WDR36: variants seen among roughly 807,000 people sequenced by gnomAD.
WDR36 encodes WD repeat domain 36.
WDR36 carries 63 observed loss-of-function variants against 112.7 expected under a neutral mutation model. That is an observed-to-expected ratio of 0.56 (90% CI 0.46 to 0.69). The LOEUF (loss-of-function observed/expected upper bound fraction) is 0.69, where lower values mean the gene tolerates loss of function less well. WDR36 is among the 30% of genes least tolerant of loss of function. The pLI is 0.00. For synonymous variants in WDR36, 410 were observed against 362.2 expected (o/e 1.13, Z -1.50); for missense variants, 1,226 against 1,070.3 (o/e 1.15, Z -2.03).
intron 3 of WDR36, among the ~76,000 whole-genome samples, chr5:111,097,691 A>C (rs752285563): frequency 6.6e-6 from 1 of 152,224 alleles, no homozygotes; most frequent in Non-Finnish European, 1.5e-5. Context: ...TCTGGTCTAA[A>C]TCTACCAGTT....
intron 12 of WDR36, among the ~76,000 whole-genome samples, chr5:111,109,104 G>A (rs1387272950): frequency 6.6e-6 from 1 of 151,186 alleles, no homozygotes; most frequent in Non-Finnish European, 1.5e-5. Flanking sequence ...CCAGGAGCAG[G>A]CCGACTAAAA....
chr5:111,127,482 T>G lies in WDR36; in HGVS notation c.*599T>G, dbSNP rs557154983. ...TGGCCTTTGATAAAAATATGAATGA[T>G]TGACTCTCAGAGTTGGAGGATAAAC... On this transcript the variant is annotated 3_prime_UTR_variant, in exon 23 of 23. Transcript: ENST00000513710. 9.7e-6 allele frequency: 2 copies of G among 206,540 alleles called. No homozygotes were observed. Among genetic ancestry groups the G allele is most frequent in the Non-Finnish European group, 2.0e-5 (2 of 100,976 alleles). 12.8% of individuals were successfully genotyped at this position (206,540 alleles called of 1,614,324 possible).
chr5:111,104,677 A>G lies in WDR36; in HGVS notation c.907-20A>G, dbSNP rs1412964913. Reference sequence around the variant, plus strand: ...CAGATGGAACATTGTAGAAGAACTGACGTTTTTATTTCTTGGCAGATATGG... The same window carrying G: ...CAGATGGAACATTGTAGAAGAACTGGCGTTTTTATTTCTTGGCAGATATGG... On this transcript the variant is annotated intron_variant, in intron 8 of 22. Coordinates refer to ENST00000513710, the MANE Select transcript of WDR36 (RefSeq NM_139281.3). 26 of 1,610,562 alleles carry G rather than the reference A, an allele frequency of 1.6e-5. No homozygotes were observed. The highest frequency in any genetic ancestry group is 2.0e-5 in the Non-Finnish European group (23 of 1,177,520).
chr5:111,097,002 A>G (rs1355403612), intron 2 of WDR36, 77 bp from the exon 3 acceptor site: 1 of 973,060 alleles, frequency 1.0e-6, no homozygotes, highest in African/African-American at 1.6e-5. Flanking sequence ...AGCCATGAAA[A>G]ATGTTATATG....
At chr5:111,120,935 A>C in intron 18 of WDR36, 61 bp from the exon 19 acceptor site, 1 of 1,393,442 alleles carries the variant, frequency 7.2e-7, no homozygotes. Flanking sequence ...TGGATTTGGA[A>C]TGAATTAAGT....
intron 12 of WDR36, among the ~76,000 whole-genome samples, chr5:111,108,478 CTG>C (rs1457705479): frequency 6.6e-6 from 1 of 151,290 alleles, no homozygotes; most frequent in African/African-American, 2.4e-5. Context: ...ATTCTATTCT[CTG>C]TAGTATGAAA....
intron 19 of WDR36, among the ~76,000 whole-genome samples, 167 bp downstream of exon 19, chr5:111,121,308 A>G (rs937489899): frequency 6.6e-6 from 1 of 152,180 alleles, no homozygotes; most frequent in Admixed American, 6.5e-5. Flanking sequence ...TGGTATGATT[A>G]TCACAAGATA....
intron 12 of WDR36, among the ~76,000 whole-genome samples, chr5:111,109,643 T>G (rs1216055702): frequency 3.3e-5 from 5 of 151,396 alleles, no homozygotes; most frequent in Non-Finnish European, 5.9e-5. Flanking sequence ...TATTGATATT[T>G]TAAGTATTAA....
chr5:111,097,235 G>T, intron 3 of WDR36, 56 bp downstream of exon 3: 2 of 1,285,800 alleles, frequency 1.6e-6, no homozygotes, highest in Non-Finnish European at 1.1e-6. Context: ...CATGATAGTG[G>T]AGGGAACTTT....
chr5:111,113,052 A>ATATT lies in WDR36; in HGVS notation c.1717-21_1717-20insATTT, dbSNP rs35527062. The stretch of plus-strand genomic sequence containing the variant: ...ATATAAATAATATATATATATATAT[A>ATATT]TTTTTTTTTTTTAATTTAAAGGCTT... On this transcript the variant is annotated intron_variant, in intron 15 of 22. Transcript: ENST00000513710. 6.7e-4 allele frequency: 319 copies of ATATT among 473,582 alleles called. 2 individuals carry two copies. In the African/African-American group the frequency reaches 7.3e-3, roughly 11 times the overall value. 29.3% of individuals were successfully genotyped at this position (473,582 alleles called of 1,614,324 possible).
chr5:111,098,741 G>T lies in WDR36; in HGVS notation c.311G>T (p.Gly104Val). Residue 104 changes from glycine (G) to valine (V), a missense_variant, in exon 4 of 23, where the codon GGT becomes GTT. Transcript: ENST00000513710. ...RNKEIVHTFKGHKAEIHFLQP... is the reference protein window; with the variant it reads ...RNKEIVHTFKVHKAEIHFLQP... The stretch of plus-strand genomic sequence containing the variant: ...TTTTAGATAGTACATACCTTTAAGG[G>T]TCATAAGGCAGAAATCCATTTCTTG... 2 of 1,608,396 alleles carry T rather than the reference G, an allele frequency of 1.2e-6. No homozygotes were observed. The highest frequency in any genetic ancestry group is 1.7e-6 in the Non-Finnish European group (2 of 1,175,118).
intron 17 of WDR36, among the ~76,000 whole-genome samples, chr5:111,119,639 T>A (rs959516075): frequency 2.0e-5 from 3 of 152,156 alleles, no homozygotes; most frequent in African/African-American, 7.2e-5. Context: ...AAATAGAACA[T>A]CACCTGGGTT....
chr5:111,110,701 T>G, intron 13 of WDR36, 87 bp from the exon 14 acceptor site: 2 of 1,420,304 alleles, frequency 1.4e-6, no homozygotes, highest in Non-Finnish European at 2.0e-6. Flanking sequence ...ACCTTACATA[T>G]TTGAATGAAG....
chr5:111,113,288 T>C lies in WDR36; in HGVS notation c.1796+135T>C, dbSNP rs552554813. 155 of 443,898 alleles carry C rather than the reference T, an allele frequency of 3.5e-4. 1 individual carries two copies. Among genetic ancestry groups the C allele is most frequent in the African/African-American group, 3.1e-3 (150 of 49,180 alleles). The allele number at this position is 443,898 out of a possible 1,614,324, so 27.5% of individuals were successfully genotyped here. On this transcript the variant is annotated intron_variant, in intron 16 of 22. Coordinates refer to ENST00000513710, the MANE Select transcript of WDR36 (RefSeq NM_139281.3). ...TATTTGGAGATTTTTCTGACATGAC[T>C]ATATTGTATCCTTGGAGTGTTTTTG...
intron 20 of WDR36, 71 bp downstream of exon 20, chr5:111,123,995 A>C: frequency 6.2e-7 from 1 of 1,608,056 alleles, no homozygotes; most frequent in South Asian, 1.1e-5. Context: ...CTTCTTTACC[A>C]AGACCTAGTT....
At position 111,094,925 on chromosome 5, in the gene WDR36, G is replaced by C. The variant is rs1247828296; in HGVS notation, c.168G>C (p.Gln56His). Residue 56 changes from glutamine (Q) to histidine (H), a missense_variant, in exon 2 of 23, where the codon CAG (glutamine) becomes CAC (histidine). Physicochemically the swap from Gln to His is conservative, Grantham distance 24. Transcript: ENST00000513710. The part of the protein sequence containing the change: ...VGKSFHTYDV[Q>H]KLSLVAVSNS... Reference sequence around the variant, plus strand: ...CTTTTTTCTTTTTTAAACAGGTTCAGAAACTTAGTCTGGTTGCAGTAAGTA... The same window carrying C: ...CTTTTTTCTTTTTTAAACAGGTTCACAAACTTAGTCTGGTTGCAGTAAGTA... 4 of 1,605,340 alleles carry C rather than the reference G, an allele frequency of 2.5e-6. No individual in the cohort carries two copies. The Admixed American group carries it at 5.1e-5, about 20-fold the overall frequency.
intron 13 of WDR36, among the ~76,000 whole-genome samples, chr5:111,110,557 TAAC>T (rs1006039439): frequency 1.3e-5 from 2 of 151,546 alleles, no homozygotes; most frequent in African/African-American, 2.4e-5. Context: ...CAGAAAATCT[TAAC>T]AAACTTTTCA....
chr5:111,092,748 T>G (rs1580387395), intron 1 of WDR36, 130 bp downstream of exon 1: 1 of 1,174,362 alleles, frequency 8.5e-7, no homozygotes, highest in East Asian at 2.5e-5. Context: ...CCTGTCCTAT[T>G]AATATTTCGC....
At chr5:111,122,297 T>C (rs1211665655) in intron 19 of WDR36, among the ~76,000 whole-genome samples, 3 of 152,338 alleles carry the variant, frequency 2.0e-5, no homozygotes, top group Admixed American at 1.3e-4. Flanking sequence ...GTTTTGGGGC[T>C]ACTGTGGTCC....
Sources: gnomAD v4.1 joint callset for allele counts (sites outside exome capture counted in the v4.1 genomes callset) on GRCh38, gnomAD v4.1.1 for gene constraint, MANE v1.5 for transcripts, NCBI Gene and HGNC (gene_info 2026-07-23, HGNC 2026-07-21) for gene names.